RXFP2: variants seen among roughly 807,000 people sequenced by gnomAD.
RXFP2 encodes relaxin family peptide receptor 2, also known as relaxin receptor 2.
Under a neutral mutation model 88.6 loss-of-function variants are expected in RXFP2, and 68 were observed. The observed-to-expected ratio is 0.77, with a 90% CI of 0.63 to 0.94. The LOEUF is 0.94. RXFP2 is among the 40% of genes least tolerant of loss of function. RXFP2 has a pLI of 0.00. For synonymous variants in RXFP2, 329 were observed against 306.8 expected (o/e 1.07, Z -0.76); for missense variants, 791 against 893.9 (o/e 0.88, Z 1.47).
chr13:31,771,949 C>CA (rs139695790), intron 5 of RXFP2, among the ~76,000 whole-genome samples: 24,542 of 148,454 alleles, frequency 0.17, 1,978 homozygotes, highest in East Asian at 0.27. Context: ...TTTAGGCATC[C>CA]AAAAAAAAAC....
rs764768908 is a variant in RXFP2 at position 31,765,967 on chromosome 13, A to T, written c.437A>T (p.Lys146Ile). 2.5e-5 allele frequency: 38 copies of T among 1,528,356 alleles called. No individual in the cohort carries two copies. Among genetic ancestry groups the T allele is most frequent in the Non-Finnish European group, 3.4e-5 (38 of 1,106,156 alleles). The allele number at this position is 1,528,356 out of a possible 1,614,324, so 94.7% of individuals were successfully genotyped here. A position where few individuals can be genotyped will look rare whatever the true frequency, so the allele number is the denominator to read the frequency against. Residue 146 changes from lysine to isoleucine, a missense_variant, in exon 5 of 18, where the codon AAA becomes ATA. Lys to Ile is a moderately radical substitution (Grantham distance 102). Transcript: ENST00000298386. ...ACATGTTATTTTAGGTCTCTTAAGA[A>T]AAACAAAATCCACAGTCTTCCAGAT... ...SNNVTLLSLKKNKIHSLPDKV... is the reference protein window; with the variant it reads ...SNNVTLLSLKINKIHSLPDKV...
chr13:31,778,458 G>A, intron 8 of RXFP2, 54 bp from the exon 9 acceptor site: 1 of 1,196,548 alleles, frequency 8.4e-7, no homozygotes, highest in Non-Finnish European at 1.2e-6. Flanking sequence ...TAAAAAGACT[G>A]TCCTAAAAGT....
At chr13:31,741,953 T>G (rs1370316319) in intron 1 of RXFP2, among the ~76,000 whole-genome samples, 1 of 152,044 alleles carries the variant, frequency 6.6e-6, no homozygotes, top group African/African-American at 2.4e-5. Context: ...TCCATAAAAT[T>G]CATGTAATTG....
At chr13:31,795,156 T>C (rs2138463296) in intron 16 of RXFP2, among the ~76,000 whole-genome samples, 1 of 151,476 alleles carries the variant, frequency 6.6e-6, no homozygotes, top group East Asian at 1.9e-4. Flanking sequence ...GCATACACTT[T>C]TTTTTTTTTT....
rs1872489431 is a variant in RXFP2, at chr13:31,765,098, T to C, written c.381T>C (p.Gly127=). Reference sequence around the variant, plus strand: ...AAACTGAATTGGAATGTGTAAATGGTGACTTAAAGTCTGTGCCGATGATTT... The same window carrying C: ...AAACTGAATTGGAATGTGTAAATGGCGACTTAAAGTCTGTGCCGATGATTT... The part of the protein sequence containing the change: ...CKETELECVN[G]DLKSVPMISN... Residue 127 remains glycine, a synonymous_variant, in exon 4 of 18, where the codon GGT becomes GGC. Coordinates refer to ENST00000298386, the MANE Select transcript of RXFP2 (RefSeq NM_130806.5). The C allele has an allele frequency of 6.2e-7, 1 of 1,611,878 alleles. No individual in the cohort carries two copies. Among genetic ancestry groups the C allele is most frequent in the Non-Finnish European group, 8.5e-7 (1 of 1,178,152 alleles).
At chr13:31,799,219 CA>C (rs66998436) in intron 17 of RXFP2, among the ~76,000 whole-genome samples, 49,494 of 143,004 alleles carry the variant, frequency 0.35, 8,413 homozygotes, top group East Asian at 0.5. Context: ...ACACTTTCTT[CA>C]AAAAAAAAAA....
At chr13:31,771,224 T>C (rs902757711) in intron 5 of RXFP2, among the ~76,000 whole-genome samples, 3 of 152,250 alleles carry the variant, frequency 2.0e-5, no homozygotes, top group African/African-American at 7.2e-5. Context: ...ATATATCCTA[T>C]GCCAGGGGTT....
At chr13:31,776,505 C>T (rs1872992274) in intron 7 of RXFP2, among the ~76,000 whole-genome samples, 1 of 152,048 alleles carries the variant, frequency 6.6e-6, no homozygotes, top group African/African-American at 2.4e-5. Context: ...AAGCGATCTG[C>T]CTGCCTAATA....
In RXFP2 at chr13:31,775,401, A is replaced by G; in HGVS notation, c.641+12A>G. The G allele has an allele frequency of 6.3e-7, 1 of 1,578,068 alleles. No individual in the cohort carries two copies. Among genetic ancestry groups the G allele is most frequent in the Non-Finnish European group, 8.7e-7 (1 of 1,147,254 alleles). The stretch of plus-strand genomic sequence containing the variant: ...CAGCTAACTTGGCTGTAAGTACTCT[A>G]ATTCTTCTTTCTCCCATAGAGGATC... On this transcript the variant is annotated intron_variant, in intron 7 of 17. Coordinates refer to ENST00000298386, the MANE Select transcript of RXFP2 (RefSeq NM_130806.5).
chr13:31,784,141 A>G (rs948450355), intron 11 of RXFP2, among the ~76,000 whole-genome samples: 1 of 151,896 alleles, frequency 6.6e-6, no homozygotes, highest in Non-Finnish European at 1.5e-5. Context: ...GGGGTATTTT[A>G]TATATAAACT....
chr13:31,799,183 TC>T (rs1398279453), intron 17 of RXFP2, among the ~76,000 whole-genome samples: 5 of 150,834 alleles, frequency 3.3e-5, no homozygotes, highest in African/African-American at 1.2e-4. Context: ...ATCAGTCTCA[TC>T]AACCCCCTCC....
rs759444015 is a variant in RXFP2 at position 31,778,530 on chromosome 13, C to T, written c.732C>T (p.Tyr244=). 1.9e-6 allele frequency: 3 copies of T among 1,609,734 alleles called. No individual in the cohort carries two copies. The highest frequency in any genetic ancestry group is 2.6e-6 in the Non-Finnish European group (3 of 1,176,178). Residue 244 remains tyrosine (Y), a synonymous_variant, in exon 9 of 18, where the codon TAC becomes TAT. Coordinates refer to ENST00000298386, the MANE Select transcript of RXFP2 (RefSeq NM_130806.5). ...SLFFLSMVNN[Y]LEALPKQMCA... is the part of the protein sequence containing the mutation. ...TGTAAAGGTCTATGGTTAATAACTA[C>T]TTAGAAGCTCTTCCCAAGCAGATGT...
Position 31,781,708 on chromosome 13 carries a change from T to G in RXFP2, c.823T>G (p.Ser275Ala). 1 of 1,612,890 alleles carries G rather than the reference T, an allele frequency of 6.2e-7. No homozygotes were observed. The highest frequency in any genetic ancestry group is 8.5e-7 in the Non-Finnish European group (1 of 1,179,180). The change falls in exon 10 of 18, where the codon TCT (serine) becomes GCT (alanine). Residue 275 changes from serine to alanine, a missense_variant. Ser to Ala is a moderately conservative substitution (Grantham distance 99). Transcript: ENST00000298386. ...EGNRIKYLTN[S>A]TFLSCDSLTV... ...CAATAGAATAAAGTATCTCACAAAT[T>G]CTACGTTTCTGTCGTGCGATTCGCT...
At chr13:31,779,072 G>GTACT (rs1257313743) in intron 9 of RXFP2, among the ~76,000 whole-genome samples, 1 of 150,682 alleles carries the variant, frequency 6.6e-6, no homozygotes, top group African/African-American at 2.4e-5. Flanking sequence ...CTGTCTCAGG[G>GTACT]TACTATCTCA....
At position 31,792,924 on chromosome 13, in the gene RXFP2, T is replaced by C. The variant is rs566534731; in HGVS notation, c.1622T>C (p.Ile541Thr). 9.9e-6 allele frequency: 16 copies of C among 1,614,156 alleles called. No homozygotes were observed. The South Asian group carries it at 1.3e-4, about 13-fold the overall frequency. Residue 541 changes from isoleucine (I) to threonine (T), a missense_variant, in exon 16 of 18, where the codon ATC becomes ACC. By Grantham distance (89) the Ile-to-Thr change is moderately conservative. Coordinates refer to ENST00000298386, the MANE Select transcript of RXFP2 (RefSeq NM_130806.5). ...IRPGKRQTSV[I>T]LICIWMAGFL... ...CCTGGAAAACGGCAGACCTCAGTCATCCTCATTTGCATCTGGATGGCGGGA... is the reference window on the plus strand; with the variant it reads ...CCTGGAAAACGGCAGACCTCAGTCACCCTCATTTGCATCTGGATGGCGGGA...
chr13:31,781,716 T>C lies in RXFP2; in HGVS notation c.831T>C (p.Phe277=). The change falls in exon 10 of 18, where the codon TTT becomes TTC. Residue 277 remains phenylalanine, a synonymous_variant. Coordinates refer to ENST00000298386, the MANE Select transcript of RXFP2 (RefSeq NM_130806.5). Reference sequence around the variant, plus strand: ...TAAAGTATCTCACAAATTCTACGTTTCTGTCGTGCGATTCGCTCACAGTGC... The same window carrying C: ...TAAAGTATCTCACAAATTCTACGTTCCTGTCGTGCGATTCGCTCACAGTGC... ...NRIKYLTNST[F]LSCDSLTVLF... The C allele has an allele frequency of 6.2e-7, 1 of 1,612,852 alleles. No homozygotes were observed. Among genetic ancestry groups the C allele is most frequent in the Non-Finnish European group, 8.5e-7 (1 of 1,179,080 alleles).
At chr13:31,752,323 T>G (rs1356540668) in intron 1 of RXFP2, among the ~76,000 whole-genome samples, 1 of 152,110 alleles carries the variant, frequency 6.6e-6, no homozygotes, top group Non-Finnish European at 1.5e-5. Context: ...TGAGGGACTT[T>G]TACCAGCATG....
At chr13:31,776,283 T>C (rs1593461584) in intron 7 of RXFP2, among the ~76,000 whole-genome samples, 1 of 117,100 alleles carries the variant, frequency 8.5e-6, no homozygotes, top group African/African-American at 3.4e-5. Flanking sequence ...TGAGACAGGG[T>C]GTCACTCTGT....
chr13:31,782,348 A>G (rs1267114043), intron 10 of RXFP2, among the ~76,000 whole-genome samples: 1 of 152,180 alleles, frequency 6.6e-6, no homozygotes, highest in Admixed American at 6.5e-5. Flanking sequence ...GCACTTAGTG[A>G]TGTTTGTTGA....
Sources: allele counts gnomAD v4.1 joint callset (sites outside exome capture counted in the v4.1 genomes callset), GRCh38; gene constraint gnomAD v4.1.1; transcripts MANE v1.5; gene names NCBI Gene and HGNC (gene_info 2026-07-23, HGNC 2026-07-21).